GPC5: variants seen among roughly 807,000 people sequenced by gnomAD.
The protein encoded by GPC5 is glypican-5.
In GPC5, 47 loss-of-function variants were observed where a neutral mutation model predicts 53.9. The observed-to-expected ratio is 0.87, with a 90% CI of 0.69 to 1.11. GPC5 has a LOEUF of 1.11. Ranked by LOEUF, GPC5 falls within the 50% of genes most tolerant of loss-of-function variation. The pLI, the probability that GPC5 is intolerant of heterozygous loss-of-function variation, is 0.00. For missense variants in GPC5, 748 were observed against 713.1 expected, an observed-to-expected ratio of 1.05 and a Z score of -0.56; for synonymous variants, 286 against 263.3, an observed-to-expected ratio of 1.09 and a Z score of -0.84.
At chr13:92,228,537 T>C (rs2139097510) in intron 7 of GPC5, among the ~76,000 whole-genome samples, 1 of 152,252 alleles carries the variant, frequency 6.6e-6, no homozygotes, top group South Asian at 2.1e-4. Flanking sequence ...AAGTAAAGTA[T>C]GTGAGAATTT....
chr13:91,441,538 C>G (rs975212761), intron 1 of GPC5, among the ~76,000 whole-genome samples: 1 of 152,120 alleles, frequency 6.6e-6, no homozygotes, highest in Non-Finnish European at 1.5e-5. Flanking sequence ...TTTGTACCAT[C>G]GAATTCATTT....
intron 3 of GPC5, among the ~76,000 whole-genome samples, chr13:91,722,448 G>T (rs2036494132): frequency 6.6e-6 from 1 of 152,172 alleles, no homozygotes; most frequent in Non-Finnish European, 1.5e-5. Flanking sequence ...CATACAGTAA[G>T]TTTAATTAAT....
chr13:91,685,123 C>T lies in GPC5; in HGVS notation c.326-8064C>T, dbSNP rs575099976. 1.6e-4 allele frequency among the ~76,000 whole-genome samples: 24 copies of T among 145,706 alleles called. 1 individual carries two copies. The South Asian group carries it at 5.4e-3, about 33-fold the overall frequency. Reference sequence around the variant, plus strand: ...GGGCAACGTAGAGACACTGTCTCTACAAACAAACAAACAAACAAACAAACA... The same window carrying T: ...GGGCAACGTAGAGACACTGTCTCTATAAACAAACAAACAAACAAACAAACA... On this transcript the variant is annotated intron_variant, in intron 2 of 7. Coordinates refer to ENST00000377067, the MANE Select transcript of GPC5 (RefSeq NM_004466.6).
At chr13:91,518,509 A>G (rs191003563) in intron 2 of GPC5, among the ~76,000 whole-genome samples, 1 of 152,338 alleles carries the variant, frequency 6.6e-6, no homozygotes, top group East Asian at 1.9e-4. Flanking sequence ...CAATGCATTC[A>G]GGCAAAGCTT....
chr13:91,503,808 A>AATAATAATG (rs1555316238), intron 2 of GPC5, among the ~76,000 whole-genome samples: 3 of 145,096 alleles, frequency 2.1e-5, no homozygotes, highest in East Asian at 2.0e-4. Context: ...TAATAATAAT[A>AATAATAATG]ATAATAATAA....
chr13:92,023,154 C>T (rs750940265), intron 6 of GPC5, among the ~76,000 whole-genome samples: 1 of 152,046 alleles, frequency 6.6e-6, no homozygotes, highest in Non-Finnish European at 1.5e-5. Flanking sequence ...TTTCATGTGT[C>T]TGCACATTAC....
chr13:92,248,947 G>T (rs1316880127), intron 7 of GPC5, among the ~76,000 whole-genome samples: 1 of 152,044 alleles, frequency 6.6e-6, no homozygotes, highest in Non-Finnish European at 1.5e-5. Flanking sequence ...TATTCATTAC[G>T]TGGAGAGCAG....
chr13:91,534,452 A>G (rs1886494379), intron 2 of GPC5, among the ~76,000 whole-genome samples: 1 of 152,260 alleles, frequency 6.6e-6, no homozygotes, highest in African/African-American at 2.4e-5. Flanking sequence ...GTGTTTGAGC[A>G]ATACTATGCA....
chr13:92,263,949 A>G (rs914056222), intron 7 of GPC5, among the ~76,000 whole-genome samples: 7 of 152,166 alleles, frequency 4.6e-5, no homozygotes, highest in African/African-American at 1.7e-4. Context: ...AATGAATTGT[A>G]TGTCTCAAAA....
At chr13:92,379,837 A>G (rs954198900) in intron 7 of GPC5, among the ~76,000 whole-genome samples, 8 of 152,096 alleles carry the variant, frequency 5.3e-5, no homozygotes, top group Non-Finnish European at 1.0e-4. Context: ...CTCTGGCTTG[A>G]TATTTTCTTG....
Position 91,842,516 on chromosome 13 carries a change from C to A in GPC5, c.1281-65421C>A, listed in dbSNP as rs553261700. ...AGGAGATCGAGACCATCTTGGCTAA[C>A]ACGGTGAAACCCCGTTTCTACTAAA... On this transcript the variant is annotated intron_variant, in intron 5 of 7. Coordinates refer to ENST00000377067, the MANE Select transcript of GPC5 (RefSeq NM_004466.6). Among the ~76,000 whole-genome samples the A allele has an allele frequency of 1.0e-3, 151 of 149,640 alleles. 1 individual carries two copies. Among genetic ancestry groups the A allele is most frequent in the Non-Finnish European group, 1.6e-3 (105 of 67,602 alleles).
intron 2 of GPC5, among the ~76,000 whole-genome samples, chr13:91,663,068 A>G (rs934883477): frequency 6.6e-6 from 1 of 152,170 alleles, no homozygotes; most frequent in African/African-American, 2.4e-5. Flanking sequence ...GGGAGGAGAG[A>G]TCTTAATCAA....
intron 7 of GPC5, among the ~76,000 whole-genome samples, chr13:92,198,188 T>C (rs910465316): frequency 1.3e-5 from 2 of 152,166 alleles, no homozygotes; most frequent in Admixed American, 1.3e-4. Flanking sequence ...TCTAAAAATG[T>C]CTTGTTACAT....
intron 7 of GPC5, among the ~76,000 whole-genome samples, chr13:92,663,850 CACACACTATATATATATATATATA>C (rs1566351003): frequency 4.4e-5 from 4 of 91,082 alleles, no homozygotes; most frequent in African/African-American, 8.0e-5. Context: ...TATATACACA[CACACACTATATATATATATATATA>C]TATATATATA....
At chr13:92,635,400 T>C (rs887594925) in intron 7 of GPC5, among the ~76,000 whole-genome samples, 2 of 152,162 alleles carry the variant, frequency 1.3e-5, no homozygotes, top group African/African-American at 2.4e-5. Flanking sequence ...GGCACCAGCA[T>C]GTAGACAGGG....
intron 2 of GPC5, among the ~76,000 whole-genome samples, chr13:91,564,993 TG>T (rs66999708): frequency 8.5e-6 from 1 of 117,938 alleles, no homozygotes; most frequent in African/African-American, 4.7e-5. Flanking sequence ...GGCTTTTTTT[TG>T]GGGGGGGGTC....
intron 7 of GPC5, among the ~76,000 whole-genome samples, chr13:92,837,962 G>T (rs1418694829): frequency 6.6e-6 from 1 of 151,994 alleles, no homozygotes; most frequent in Non-Finnish European, 1.5e-5. Context: ...AGGCGTGGTG[G>T]CGCATGCCTG....
chr13:92,618,287 A>G (rs866546700), intron 7 of GPC5, among the ~76,000 whole-genome samples: 5 of 152,196 alleles, frequency 3.3e-5, no homozygotes, highest in African/African-American at 2.4e-5. Flanking sequence ...ATTGGTTGTC[A>G]TAAATAATCT....
In GPC5 at chr13:92,844,153, C is replaced by G. The variant is rs114472471; in HGVS notation, c.1562-22129C>G. The stretch of plus-strand genomic sequence containing the variant: ...TTACTTCTTGCTATCTTATTGTAAA[C>G]CTGTTATTTAAGAACGTTGTTTTTA... On this transcript the variant is annotated intron_variant, in intron 7 of 7. Transcript: ENST00000377067. Among the ~76,000 whole-genome samples the G allele has an allele frequency of 1.2e-3, 186 of 151,970 alleles. 1 individual carries two copies. Among genetic ancestry groups the G allele is most frequent in the African/African-American group, 4.1e-3 (169 of 41,454 alleles).
Sources: gnomAD v4.1 joint callset for allele counts (sites outside exome capture counted in the v4.1 genomes callset) on GRCh38, gnomAD v4.1.1 for gene constraint, MANE v1.5 for transcripts, NCBI Gene and HGNC (gene_info 2026-07-23, HGNC 2026-07-21) for gene names.